SSPN: variants seen among roughly 807,000 people sequenced by gnomAD.
SSPN encodes the protein K-ras oncogene-associated protein.
A neutral mutation model predicts 19.1 loss-of-function variants in SSPN; 15 were observed. The observed-to-expected ratio is 0.78, with a 90% CI of 0.52 to 1.21. The LOEUF (loss-of-function observed/expected upper bound fraction) is 1.21, where lower values mean the gene tolerates loss of function less well. Ranked by LOEUF, SSPN falls within the 50% of genes most tolerant of loss-of-function variation. SSPN has a pLI of 0.00. For synonymous variants in SSPN, 147 were observed against 140.3 expected, an observed-to-expected ratio of 1.05 and a Z score of -0.34; for missense variants, 291 against 314.0, an observed-to-expected ratio of 0.93 and a Z score of 0.55.
chr12:26,178,841 T>C (rs1472648933), intron 1 of SSPN, among the ~76,000 whole-genome samples: 1 of 152,214 alleles, frequency 6.6e-6, no homozygotes, highest in East Asian at 1.9e-4. Flanking sequence ...AGATATATTC[T>C]CTTGAGATAT....
intron 1 of SSPN, among the ~76,000 whole-genome samples, chr12:26,171,525 A>G (rs758690304): frequency 5.9e-5 from 9 of 152,132 alleles, no homozygotes; most frequent in African/African-American, 7.2e-5. Flanking sequence ...GATATGTTCT[A>G]CTAAACACAA....
At chr12:26,187,605 A>G (rs139636596) in intron 1 of SSPN, among the ~76,000 whole-genome samples, 20 of 152,260 alleles carry the variant, frequency 1.3e-4, no homozygotes, top group Non-Finnish European at 2.4e-4. Context: ...GGGGTGAGCA[A>G]CGTAGCATTT....
intron 1 of SSPN, among the ~76,000 whole-genome samples, chr12:26,128,804 G>A (rs952073620): frequency 2.0e-5 from 3 of 152,090 alleles, no homozygotes; most frequent in African/African-American, 4.8e-5. Context: ...TTTAATAGGC[G>A]AGGGGTAGCT....
At chr12:26,126,695 G>C (rs1043038679) in intron 1 of SSPN, 1 of 152,282 alleles carries the variant, frequency 6.6e-6, no homozygotes, top group Non-Finnish European at 1.5e-5. Flanking sequence ...GGGCGGAGAC[G>C]CGCACTGCGT....
chr12:26,133,539 G>C (rs1235550424), intron 1 of SSPN, among the ~76,000 whole-genome samples: 1 of 152,190 alleles, frequency 6.6e-6, no homozygotes, highest in Non-Finnish European at 1.5e-5. Context: ...GAGATTAAAG[G>C]CATAATCATA....
intron 1 of SSPN, among the ~76,000 whole-genome samples, chr12:26,137,685 G>A (rs557377118): frequency 5.1e-4 from 26 of 51,442 alleles, no homozygotes; most frequent in African/African-American, 2.1e-3. Context: ...TTTTTTTTGA[G>A]ATGGAGTCTT....
intron 1 of SSPN, among the ~76,000 whole-genome samples, chr12:26,134,351 G>A (rs1944413602): frequency 6.6e-6 from 1 of 152,170 alleles, no homozygotes; most frequent in Admixed American, 6.5e-5. Context: ...CCTTCTCTGA[G>A]TTCCTGGACC....
chr12:26,135,950 A>G (rs557126959), intron 1 of SSPN, among the ~76,000 whole-genome samples: 2 of 152,362 alleles, frequency 1.3e-5, no homozygotes, highest in African/African-American at 2.4e-5. Flanking sequence ...TGAAATAGAC[A>G]TATCTCATAT....
At chr12:26,192,045 C>T (rs531107912), upstream of SSPN, among the ~76,000 whole-genome samples, 4 of 152,278 alleles carry the variant, frequency 2.6e-5, no homozygotes, top group South Asian at 4.1e-4. Context: ...TTGTTAATCA[C>T]ACTAGTTTTA....
At chr12:26,228,547 CT>C (rs778434700) in intron 2 of SSPN, among the ~76,000 whole-genome samples, 16 of 152,146 alleles carry the variant, frequency 1.1e-4, no homozygotes, top group African/African-American at 3.1e-4. Flanking sequence ...GAAATGATCA[CT>C]TTAACCTGGG....
intron 1 of SSPN, among the ~76,000 whole-genome samples, chr12:26,161,107 CAAAA>C (rs35876807): frequency 8.2e-5 from 8 of 97,890 alleles, no homozygotes; most frequent in African/African-American, 1.1e-4. Context: ...GACTCTGTCT[CAAAA>C]AAAAAAAAAA....
intron 1 of SSPN, among the ~76,000 whole-genome samples, chr12:26,127,827 A>G (rs1280758066): frequency 6.6e-6 from 1 of 152,048 alleles, no homozygotes; most frequent in Non-Finnish European, 1.5e-5. Flanking sequence ...TTCTTTCTCA[A>G]ACTCTTGGCT....
At chr12:26,215,163 G>C (rs865990911) in intron 1 of SSPN, among the ~76,000 whole-genome samples, 3 of 152,176 alleles carry the variant, frequency 2.0e-5, no homozygotes, top group African/African-American at 7.2e-5. Context: ...AGTAAAGGTT[G>C]AGCTAAATTC....
chr12:26,124,587 A>C (rs768645003), intron 1 of SSPN: 1 of 1,614,176 alleles, frequency 6.2e-7, no homozygotes, highest in Non-Finnish European at 8.5e-7. Context: ...TCCAGTCTGC[A>C]AAACAGAAAT....
intron 1 of SSPN, chr12:26,124,225 A>T: frequency 2.4e-6 from 3 of 1,247,316 alleles, no homozygotes; most frequent in Non-Finnish European, 3.5e-6. Context: ...TAAGCGAAAC[A>T]TTCACTTATT....
chr12:26,124,382 C>T lies in SSPN; in HGVS notation c.-31+2230C>T, dbSNP rs112580893. ...TGTTTAATATCCCCCTGAGAGTACC[C>T]AGCAAGCCACTTAAAATTCACAGTT... On this transcript the variant is annotated intron_variant, in intron 1 of 2. Transcript: ENST00000538142. The T allele has an allele frequency of 5.0e-6, 5 of 992,782 alleles. No homozygotes were observed. In the East Asian group the frequency reaches 7.5e-5, roughly 15 times the overall value. 61.5% of individuals were successfully genotyped at this position (992,782 alleles called of 1,614,324 possible).
chr12:26,210,682 G>A (rs933583633), intron 1 of SSPN, among the ~76,000 whole-genome samples: 2 of 152,104 alleles, frequency 1.3e-5, no homozygotes, highest in Non-Finnish European at 2.9e-5. Flanking sequence ...CATCTGTTGA[G>A]ACAGAACAAT....
At chr12:26,206,504 T>G (rs948756855) in intron 1 of SSPN, among the ~76,000 whole-genome samples, 5 of 152,216 alleles carry the variant, frequency 3.3e-5, no homozygotes, top group African/African-American at 7.2e-5. Context: ...TCAACATATA[T>G]GAACCCAGGA....
intron 1 of SSPN, among the ~76,000 whole-genome samples, chr12:26,158,513 GCT>G (rs1273544088): frequency 1.3e-5 from 2 of 152,220 alleles, no homozygotes; most frequent in Non-Finnish European, 2.9e-5. Context: ...GGCACCTCAG[GCT>G]CTGAGTGACG....
Sources: allele counts gnomAD v4.1 joint callset (sites outside exome capture counted in the v4.1 genomes callset), GRCh38; gene constraint gnomAD v4.1.1; transcripts MANE v1.5; gene names NCBI Gene and HGNC (gene_info 2026-07-23, HGNC 2026-07-21).